PTPRD: variants seen among roughly 807,000 people sequenced by gnomAD.
PTPRD encodes the protein receptor-type tyrosine-protein phosphatase delta.
A neutral mutation model predicts 214.5 loss-of-function variants in PTPRD; 34 were observed. The ratio of observed to expected loss-of-function variants is 0.16; its 90% CI spans 0.12 to 0.21. The LOEUF (loss-of-function observed/expected upper bound fraction) is 0.21. Among genes scored for constraint, PTPRD ranks in the 10% least tolerant of loss-of-function variants. The pLI is 1.00. For synonymous variants in PTPRD, 1,128 were observed against 845.7 expected, an observed-to-expected ratio of 1.33 and a Z score of -5.79; for missense variants, 2,545 against 2,398.7, an observed-to-expected ratio of 1.06 and a Z score of -1.27.
chr9:10,214,724 A>G (rs987262121), intron 3 of PTPRD, among the ~76,000 whole-genome samples: 24 of 152,124 alleles, frequency 1.6e-4, no homozygotes, highest in Non-Finnish European at 2.9e-4. Flanking sequence ...CAATTCAGAT[A>G]GAGATGCCAG....
intron 10 of PTPRD, among the ~76,000 whole-genome samples, chr9:9,051,328 T>C (rs1358695765): frequency 1.3e-5 from 2 of 152,218 alleles, no homozygotes; most frequent in Non-Finnish European, 2.9e-5. Context: ...TTTTATTAAA[T>C]GTGATACTTT....
intron 11 of PTPRD, among the ~76,000 whole-genome samples, chr9:8,927,386 G>A (rs1466355780): frequency 6.6e-6 from 1 of 152,038 alleles, no homozygotes; most frequent in Non-Finnish European, 1.5e-5. Flanking sequence ...AGGCCCTGGT[G>A]TGTGACGTTC....
At chr9:9,752,601 C>T (rs149383379) in intron 6 of PTPRD, among the ~76,000 whole-genome samples, 45 of 151,972 alleles carry the variant, frequency 3.0e-4, no homozygotes, top group Non-Finnish European at 5.2e-4. Context: ...ACTTTAAGAT[C>T]GAGGTTGAGG....
rs115019700 is a variant in PTPRD, at chr9:8,410,562, G to T, written c.4087-5902C>A. Among the ~76,000 whole-genome samples the T allele has an allele frequency of 6.3e-3, 961 of 152,250 alleles. 8 individuals are homozygous for T. The highest frequency in any genetic ancestry group is 0.022 in the African/African-American group (904 of 41,552). ...TTAGAGTGTGAAGGATTGAAATAAA[G>T]ATTTTTCAAGACTCTCAGTATTAAC... On this transcript the variant is annotated intron_variant, in intron 35 of 45. Transcript: ENST00000381196.
At position 10,335,786 on chromosome 9, in the gene PTPRD, C is replaced by T. The variant is rs577076719; in HGVS notation, c.-545+5177G>A. 7.2e-5 allele frequency among the ~76,000 whole-genome samples: 11 copies of T among 151,772 alleles called. No homozygotes were observed. In the East Asian group the frequency reaches 1.8e-3, roughly 24 times the overall value. ...ACTTCATTAAAAAATGGGCCAAAGA[C>T]ATTAACAGGCATTTCACCAAAGAAT... On this transcript the variant is annotated intron_variant, in intron 3 of 45. Transcript: ENST00000381196.
At chr9:9,779,078 CAAAAAAAA>C (rs869120926) in intron 5 of PTPRD, among the ~76,000 whole-genome samples, 476 of 45,516 alleles carry the variant, frequency 0.01, 5 homozygotes, top group African/African-American at 0.04. Context: ...ATAAGACTGA[CAAAAAAAA>C]AAAAAAAAAA....
intron 5 of PTPRD, among the ~76,000 whole-genome samples, chr9:9,881,623 G>A (rs1373546488): frequency 1.3e-5 from 2 of 152,056 alleles, no homozygotes; most frequent in South Asian, 2.1e-4. Flanking sequence ...AGCTTTGGGG[G>A]CATAGCAAAG....
At chr9:8,416,283 C>T (rs1165803380) in intron 35 of PTPRD, among the ~76,000 whole-genome samples, 2 of 152,062 alleles carry the variant, frequency 1.3e-5, no homozygotes, top group African/African-American at 4.8e-5. Context: ...CATATGTATA[C>T]ACATGCACTG....
intron 7 of PTPRD, among the ~76,000 whole-genome samples, chr9:9,585,078 G>A (rs142192479): frequency 3.0e-4 from 46 of 152,042 alleles, no homozygotes; most frequent in African/African-American, 1.1e-3. Flanking sequence ...ATTACAAGCT[G>A]CCTTCTAGTT....
chr9:9,321,700 T>G (rs186894169), intron 9 of PTPRD, among the ~76,000 whole-genome samples: 114 of 152,320 alleles, frequency 7.5e-4, no homozygotes, highest in African/African-American at 2.6e-3. Context: ...TTTCCAGTAT[T>G]TAGTAGCGAT....
At chr9:9,097,696 A>G (rs1175853104) in intron 10 of PTPRD, among the ~76,000 whole-genome samples, 1 of 152,026 alleles carries the variant, frequency 6.6e-6, no homozygotes, top group Non-Finnish European at 1.5e-5. Context: ...ATGGCTCTTG[A>G]TGCAATCAAG....
chr9:9,107,167 C>A (rs779658634), intron 10 of PTPRD, among the ~76,000 whole-genome samples: 77 of 151,948 alleles, frequency 5.1e-4, no homozygotes, highest in Non-Finnish European at 9.6e-4. Context: ...GTGTAAGAAT[C>A]TAGAGACTAG....
intron 11 of PTPRD, among the ~76,000 whole-genome samples, chr9:8,947,565 T>C (rs1045411170): frequency 6.6e-6 from 1 of 151,982 alleles, no homozygotes; most frequent in Non-Finnish European, 1.5e-5. Context: ...GTGATGTTCA[T>C]CCTCCTATGT....
intron 14 of PTPRD, among the ~76,000 whole-genome samples, chr9:8,583,072 G>C (rs1473689340): frequency 6.6e-6 from 1 of 152,200 alleles, no homozygotes; most frequent in East Asian, 1.9e-4. Flanking sequence ...TTTTGGCCAA[G>C]ATGAAACTGT....
chr9:9,244,406 C>G (rs1306882224), intron 9 of PTPRD, among the ~76,000 whole-genome samples: 1 of 152,094 alleles, frequency 6.6e-6, no homozygotes, highest in Non-Finnish European at 1.5e-5. Context: ...TCTACAGTAA[C>G]CAAAACACCA....
chr9:9,530,645 G>A (rs1256702179), intron 8 of PTPRD, among the ~76,000 whole-genome samples: 2 of 152,118 alleles, frequency 1.3e-5, no homozygotes, highest in Admixed American at 6.5e-5. Flanking sequence ...ATGGATGAAT[G>A]GATAAAGAAA....
At chr9:8,348,427 C>T (rs761810428) in intron 39 of PTPRD, among the ~76,000 whole-genome samples, 2 of 152,030 alleles carry the variant, frequency 1.3e-5, no homozygotes, top group African/African-American at 2.4e-5. Flanking sequence ...TGACCAACAA[C>T]TTGGTTTTGT....
intron 11 of PTPRD, among the ~76,000 whole-genome samples, chr9:8,815,678 G>A (rs923062206): frequency 4.0e-5 from 6 of 151,886 alleles, no homozygotes; most frequent in Admixed American, 3.9e-4. Context: ...CTCATCTCCT[G>A]CATAAAATTA....
chr9:10,278,946 T>A (rs552154303), intron 3 of PTPRD, among the ~76,000 whole-genome samples: 1 of 152,116 alleles, frequency 6.6e-6, no homozygotes, highest in Non-Finnish European at 1.5e-5. Context: ...GGCTAATTTT[T>A]TGTATTTTTA....
Sources: allele counts gnomAD v4.1 joint callset (sites outside exome capture counted in the v4.1 genomes callset), GRCh38; gene constraint gnomAD v4.1.1; transcripts MANE v1.5; gene names NCBI Gene and HGNC (gene_info 2026-07-23, HGNC 2026-07-21).